SHISAL2A: variants seen among roughly 807,000 people sequenced by gnomAD.
SHISAL2A encodes the protein protein shisa-like-2A.
SHISAL2A carries 18 observed loss-of-function variants against 11.5 expected under a neutral mutation model. The observed-to-expected ratio is 1.57, with a 90% CI of 1.08 to 2.33. SHISAL2A has a LOEUF of 2.33. Among genes scored for constraint, SHISAL2A ranks in the 30% most tolerant of loss-of-function variants. The pLI is 0.00. For synonymous variants in SHISAL2A, 94 were observed against 99.6 expected, an observed-to-expected ratio of 0.94 and a Z score of 0.34; for missense variants, 261 against 250.9, an observed-to-expected ratio of 1.04 and a Z score of -0.27.
intron 2 of SHISAL2A, among the ~76,000 whole-genome samples, chr1:52,645,029 AAAAAAG>A (rs1434068465): frequency 6.6e-6 from 1 of 151,890 alleles, no homozygotes; most frequent in African/African-American, 2.4e-5. Context: ...AAAAAAAAAA[AAAAAAG>A]AAGAAGAAGA....
chr1:52,665,232 A>G (rs560713539), intron 4 of SHISAL2A, among the ~76,000 whole-genome samples: 2 of 152,332 alleles, frequency 1.3e-5, no homozygotes, highest in Non-Finnish European at 2.9e-5. Context: ...AGACTGTTCA[A>G]TTCTGAAATT....
At chr1:52,635,836 A>G (rs955946176) in intron 1 of SHISAL2A, among the ~76,000 whole-genome samples, 1 of 152,234 alleles carries the variant, frequency 6.6e-6, no homozygotes, top group Non-Finnish European at 1.5e-5. Flanking sequence ...TTCCTCTTAT[A>G]GTTAACTTGG....
intron 2 of SHISAL2A, among the ~76,000 whole-genome samples, chr1:52,656,178 A>G (rs1380212609): frequency 6.6e-6 from 1 of 152,250 alleles, no homozygotes; most frequent in Non-Finnish European, 1.5e-5. Flanking sequence ...TTTAAAATAA[A>G]TAAATAATGT....
At chr1:52,659,692 G>A (rs1416602650), downstream of SHISAL2A, 1 of 152,356 alleles carries the variant, frequency 6.6e-6, no homozygotes, top group Admixed American at 6.5e-5. Flanking sequence ...AGAGCTTAGG[G>A]TACTTGTATA....
chr1:52,652,965 C>CAAAAA lies in SHISAL2A; in HGVS notation c.323-3796_323-3792dup, dbSNP rs36154490. Reference sequence around the variant, plus strand: ...TGGGTGACAGAGTGAGACTCTGTCTCAAAAAAAAAAAAAAAAAAAAAAAAA... The same window carrying CAAAAA: ...TGGGTGACAGAGTGAGACTCTGTCTCAAAAAAAAAAAAAAAAAAAAAAAAAAAAAA... On this transcript the variant is annotated intron_variant, in intron 2 of 2. Transcript: ENST00000517870. Among the ~76,000 whole-genome samples, 40 of 22,384 alleles carry CAAAAA rather than the reference C, an allele frequency of 1.8e-3. 4 individuals carry two copies. Among genetic ancestry groups the CAAAAA allele is most frequent in the East Asian group, 0.012 (3 of 242 alleles). The allele number at this position is 22,384 out of a possible 152,430, so 14.7% of individuals were successfully genotyped here. A position where few individuals can be genotyped will look rare whatever the true frequency, so the allele number is the denominator to read the frequency against.
intron 1 of SHISAL2A, 113 bp from the exon 2 acceptor site, chr1:52,642,750 C>A: frequency 9.0e-7 from 1 of 1,112,220 alleles, no homozygotes; most frequent in Non-Finnish European, 1.3e-6. Context: ...TATTTTTATT[C>A]TGTACATTTT....
At chr1:52,651,262 G>T (rs561591038) in intron 2 of SHISAL2A, among the ~76,000 whole-genome samples, 4 of 152,052 alleles carry the variant, frequency 2.6e-5, no homozygotes, top group Non-Finnish European at 5.9e-5. Flanking sequence ...TTTTGAGACG[G>T]AGTCTCGCTC....
intron 2 of SHISAL2A, among the ~76,000 whole-genome samples, chr1:52,653,563 A>C (rs1691721929): frequency 1.3e-5 from 2 of 152,060 alleles, no homozygotes; most frequent in African/African-American, 4.8e-5. Context: ...GTAAGCTATG[A>C]TCATGTCACT....
chr1:52,652,383 G>A (rs1450776205), intron 2 of SHISAL2A, among the ~76,000 whole-genome samples: 2 of 152,130 alleles, frequency 1.3e-5, no homozygotes, highest in Non-Finnish European at 2.9e-5. Context: ...ATCACTCTGG[G>A]CCATATTTCA....
chr1:52,657,483 A>C (rs1277718070), downstream of SHISAL2A, among the ~76,000 whole-genome samples: 1 of 152,102 alleles, frequency 6.6e-6, no homozygotes, highest in East Asian at 1.9e-4. Context: ...AGGGACGGAT[A>C]GAGAGGGAGT....
At chr1:52,662,201 C>T (rs1365368430) in intron 4 of SHISAL2A, among the ~76,000 whole-genome samples, 1 of 152,048 alleles carries the variant, frequency 6.6e-6, no homozygotes, top group Non-Finnish European at 1.5e-5. Context: ...GATTCTAAGG[C>T]AGGAGAAAAG....
intron 1 of SHISAL2A, among the ~76,000 whole-genome samples, chr1:52,638,608 G>A (rs954505645): frequency 2.0e-5 from 3 of 152,206 alleles, no homozygotes; most frequent in African/African-American, 7.2e-5. Flanking sequence ...AAAATCACTG[G>A]TAGAGGATAA....
At chr1:52,662,801 A>G (rs1691933798) in intron 4 of SHISAL2A, among the ~76,000 whole-genome samples, 1 of 152,160 alleles carries the variant, frequency 6.6e-6, no homozygotes, top group Non-Finnish European at 1.5e-5. Flanking sequence ...AAAGAAATGA[A>G]TCAGTCATAA....
chr1:52,645,017 C>CAAA (rs752980005), intron 2 of SHISAL2A, among the ~76,000 whole-genome samples: 9 of 69,376 alleles, frequency 1.3e-4, no homozygotes, highest in African/African-American at 3.7e-4. Flanking sequence ...ACTCTGTCTC[C>CAAA]AAAAAAAAAA....
At chr1:52,642,200 TG>T (rs1033261301) in intron 1 of SHISAL2A, among the ~76,000 whole-genome samples, 1 of 152,104 alleles carries the variant, frequency 6.6e-6, no homozygotes, top group African/African-American at 2.4e-5. Flanking sequence ...AACAGCAGTA[TG>T]GGGGGGTCCC....
intron 1 of SHISAL2A, among the ~76,000 whole-genome samples, chr1:52,636,547 A>G (rs1035473602): frequency 6.6e-6 from 1 of 152,264 alleles, no homozygotes; most frequent in Non-Finnish European, 1.5e-5. Flanking sequence ...TAGGTGCTCA[A>G]TAAGAGAGTT....
intron 1 of SHISAL2A, among the ~76,000 whole-genome samples, chr1:52,642,241 G>A (rs748002984): frequency 6.6e-5 from 10 of 152,160 alleles, no homozygotes; most frequent in Admixed American, 2.6e-4. Flanking sequence ...CCTGGGGTGG[G>A]AGCAGGTGAG....
At chr1:52,654,051 A>G (rs1158691514) in intron 2 of SHISAL2A, among the ~76,000 whole-genome samples, 1 of 151,994 alleles carries the variant, frequency 6.6e-6, no homozygotes, top group Non-Finnish European at 1.5e-5. Context: ...GACCCCCACA[A>G]TTGGAGAGGG....
rs371032197 is a variant in SHISAL2A at position 52,633,635 on chromosome 1, A to G, written c.142A>G (p.Ser48Gly). ...DHKYCCDDPH[S>G]FFPYEHSYMW... The stretch of plus-strand genomic sequence containing the variant: ...CAAGTACTGCTGCGACGACCCGCAC[A>G]GCTTCTTCCCCTACGAGCACAGCTA... The change falls in exon 1 of 3, where the codon AGC (serine) becomes GGC (glycine). Residue 48 changes from serine to glycine, a missense_variant. Coordinates refer to ENST00000517870, the MANE Select transcript of SHISAL2A (RefSeq NM_001042693.3). The surrounding 1 kb of genome is among the most constrained non-coding windows in gnomAD (Gnocchi z 6.4). The G allele has an allele frequency of 2.4e-5, 38 of 1,612,932 alleles. No individual in the cohort carries two copies. The highest frequency in any genetic ancestry group is 1.6e-4 in the Middle Eastern group (1 of 6,076).
Sources: gnomAD v4.1 joint callset for allele counts (sites outside exome capture counted in the v4.1 genomes callset) on GRCh38, gnomAD v4.1.1 for gene constraint, Gnocchi (gnomAD v3.1) non-coding constraint, MANE v1.5 for transcripts, NCBI Gene and HGNC (gene_info 2026-07-23, HGNC 2026-07-21) for gene names.